The following CEP63 variants were observed in gnomAD, a reference collection of about 807,000 sequenced individuals.
The protein encoded by CEP63 is centrosomal protein of 63 kDa.
CEP63 carries 84 observed loss-of-function variants against 89.1 expected under a neutral mutation model. The ratio of observed to expected loss-of-function variants is 0.94; its 90% CI spans 0.79 to 1.13. The LOEUF is 1.13. Among genes scored for constraint, CEP63 ranks in the 50% most tolerant of loss-of-function variants. CEP63 has a pLI of 0.00. For synonymous variants in CEP63, 267 were observed against 272.5 expected (o/e 0.98, Z 0.20); for missense variants, 838 against 813.3 (o/e 1.03, Z -0.37).
chr3:134,696,409 T>A, the CEP63 span, among the ~76,000 whole-genome samples: 1 of 152,104 alleles, frequency 6.6e-6, no homozygotes, highest in East Asian at 1.9e-4. Flanking sequence ...TGACAGTGAG[T>A]GTAACAGGAG....
the CEP63 span, among the ~76,000 whole-genome samples, chr3:134,642,758 T>G: frequency 1.3e-5 from 2 of 152,306 alleles, no homozygotes; most frequent in African/African-American, 4.8e-5. Flanking sequence ...GAGGCTGGTT[T>G]CCAGGGGAGA....
chr3:134,674,115 G>GAGT, the CEP63 span, among the ~76,000 whole-genome samples: 17 of 152,224 alleles, frequency 1.1e-4, no homozygotes, highest in Non-Finnish European at 2.1e-4. Flanking sequence ...GGGGTGAGGT[G>GAGT]TACTGTCTTT....
At chr3:134,515,543 G>A (rs115252237) in intron 3 of CEP63, among the ~76,000 whole-genome samples, 489 of 152,302 alleles carry the variant, frequency 3.2e-3, no homozygotes, top group African/African-American at 0.011. Context: ...AGCAGAAGCC[G>A]AAAGCATTAC....
the CEP63 span, among the ~76,000 whole-genome samples, chr3:134,737,808 G>C: frequency 6.0e-4 from 91 of 152,296 alleles, no homozygotes; most frequent in African/African-American, 2.0e-3. Context: ...TGCTGTTAGA[G>C]GTTTGGGCTA....
the CEP63 span, among the ~76,000 whole-genome samples, chr3:134,770,472 T>C: frequency 6.6e-6 from 1 of 152,204 alleles, no homozygotes; most frequent in Non-Finnish European, 1.5e-5. Flanking sequence ...TTGGAACAGT[T>C]ACAATTCTAT....
chr3:134,607,212 T>C, the CEP63 span: 1 of 985,478 alleles, frequency 1.0e-6, no homozygotes, highest in Non-Finnish European at 1.2e-6. Context: ...GATTCTCAAA[T>C]TGAGCAACTT....
chr3:134,733,325 A>C, the CEP63 span, among the ~76,000 whole-genome samples: 1 of 151,900 alleles, frequency 6.6e-6, no homozygotes, highest in Non-Finnish European at 1.5e-5. Flanking sequence ...TAAAATCTCA[A>C]ACCTGAGACA....
intron 6 of CEP63, among the ~76,000 whole-genome samples, chr3:134,537,575 T>A (rs1481260547): frequency 1.3e-5 from 2 of 152,202 alleles, no homozygotes; most frequent in African/African-American, 4.8e-5. Flanking sequence ...TCAGGCTCAC[T>A]CTATGCTTGC....
chr3:134,593,607 G>T, the CEP63 span, among the ~76,000 whole-genome samples: 1 of 152,086 alleles, frequency 6.6e-6, no homozygotes, highest in Non-Finnish European at 1.5e-5. Flanking sequence ...GAGGAGGAGG[G>T]GTCCACAGGG....
chr3:134,564,917 A>T lies in CEP63; in HGVS notation c.*3382A>T, dbSNP rs1436433929. 7 of 983,718 alleles carry T rather than the reference A, an allele frequency of 7.1e-6. No individual in the cohort carries two copies. In the Admixed American group the frequency reaches 1.8e-4, roughly 26 times the overall value. The allele number at this position is 983,718 out of a possible 1,614,324, so 60.9% of individuals were successfully genotyped here. On this transcript the variant is annotated 3_prime_UTR_variant, in exon 15 of 15. Transcript: ENST00000675561. ...TTATACTGTTTTTTAAAGCTGAAGT[A>T]TCTAATAGTTAATGGGTTGTCCAAA...
At chr3:134,540,612 T>G (rs1951799283) in intron 6 of CEP63, among the ~76,000 whole-genome samples, 1 of 152,172 alleles carries the variant, frequency 6.6e-6, no homozygotes, top group African/African-American at 2.4e-5. Flanking sequence ...TTTAGGCTTG[T>G]CTTTGCCAAT....
At chr3:134,540,284 T>G (rs9844020) in intron 6 of CEP63, among the ~76,000 whole-genome samples, 151,813 of 152,316 alleles carry the variant, frequency 1, 75,660 homozygotes, top group Middle Eastern at 1. Context: ...TTGTGTAGAA[T>G]TCCCCCCTAT....
the CEP63 span, among the ~76,000 whole-genome samples, chr3:134,731,018 G>T: frequency 1.3e-5 from 2 of 152,066 alleles, no homozygotes; most frequent in African/African-American, 4.8e-5. Flanking sequence ...GTTTTTTAAA[G>T]ATGAAAATAA....
chr3:134,553,143 A>AT (rs1372572401), intron 12 of CEP63: 2 of 152,164 alleles, frequency 1.3e-5, no homozygotes, highest in African/African-American at 4.8e-5. Flanking sequence ...CTCCAAAAAG[A>AT]TATATGGTTC....
At chr3:134,670,523 G>A in the CEP63 span, among the ~76,000 whole-genome samples, 1 of 152,202 alleles carries the variant, frequency 6.6e-6, no homozygotes, top group Admixed American at 6.5e-5. Flanking sequence ...CATGGAACAA[G>A]AGATGATGCT....
the CEP63 span, among the ~76,000 whole-genome samples, chr3:134,747,709 G>T: frequency 6.6e-6 from 1 of 152,126 alleles, no homozygotes; most frequent in African/African-American, 2.4e-5. Context: ...CTGGAAGAAA[G>T]GGGGGGAGAG....
At chr3:134,732,019 G>C in the CEP63 span, among the ~76,000 whole-genome samples, 1 of 152,144 alleles carries the variant, frequency 6.6e-6, no homozygotes, top group Non-Finnish European at 1.5e-5. Context: ...TAGATAATCA[G>C]ATAAATAGAG....
chr3:134,633,331 A>G, the CEP63 span, among the ~76,000 whole-genome samples: 1 of 152,130 alleles, frequency 6.6e-6, no homozygotes, highest in African/African-American at 2.4e-5. Context: ...CCCCTTATAA[A>G]TGTAAACACA....
At chr3:134,741,290 A>T in the CEP63 span, among the ~76,000 whole-genome samples, 94 of 152,330 alleles carry the variant, frequency 6.2e-4, no homozygotes, top group African/African-American at 2.3e-3. Context: ...AATATAAGCC[A>T]GGAGGTTTTA....
Sources: allele counts gnomAD v4.1 joint callset (sites outside exome capture counted in the v4.1 genomes callset), GRCh38; gene constraint gnomAD v4.1.1; transcripts MANE v1.5; gene names NCBI Gene and HGNC (gene_info 2026-07-23, HGNC 2026-07-21).